Variants in NIBAN3 observed in about 807,000 individuals in gnomAD.
NIBAN3 encodes niban apoptosis regulator 3, also known as protein Niban 3.
NIBAN3 carries 66 observed loss-of-function variants against 76.4 expected under a neutral mutation model. The ratio of observed to expected loss-of-function variants is 0.86; its 90% CI spans 0.71 to 1.06. The LOEUF is 1.06. NIBAN3 is among the 50% of genes least tolerant of loss of function. The pLI is 0.00. For synonymous variants in NIBAN3, 360 were observed against 355.2 expected (o/e 1.01, Z -0.15); for missense variants, 808 against 810.7 (o/e 1.00, Z 0.04).
In NIBAN3 at chr19:17,539,030, T is replaced by C. The variant is rs141818703; in HGVS notation, c.596-120T>C. Reference sequence around the variant, plus strand: ...TGTGGAGGGCATTGCCTATGCAAAGTTCCAGAGATGGGTGAGACTTGGGTG... The same window carrying C: ...TGTGGAGGGCATTGCCTATGCAAAGCTCCAGAGATGGGTGAGACTTGGGTG... On this transcript the variant is annotated intron_variant, in intron 5 of 14. Transcript: ENST00000599164. The C allele has an allele frequency of 3.3e-4, 264 of 793,772 alleles. 2 individuals carry two copies. The East Asian group carries it at 7.0e-3, about 21-fold the overall frequency. 49.2% of individuals were successfully genotyped at this position (793,772 alleles called of 1,614,324 possible). A position where few individuals can be genotyped will look rare whatever the true frequency, so the allele number is the denominator to read the frequency against.
chr19:17,539,352 G>T lies in NIBAN3; in HGVS notation c.717G>T (p.Leu239=). The change falls in exon 7 of 15, where the codon CTG becomes CTT. Residue 239 remains leucine, a synonymous_variant. Coordinates refer to ENST00000599164, the MANE Select transcript of NIBAN3 (RefSeq NM_001321827.2). ...DVTLGSDAEV[L]TAVLMREQLP... ...CATGGCCCCCTCTCCTGCAGGTGCTGACCGCGGTGCTGATGCGGGAGCAAC... is the reference window on the plus strand; with the variant it reads ...CATGGCCCCCTCTCCTGCAGGTGCTTACCGCGGTGCTGATGCGGGAGCAAC... 6.5e-7 allele frequency: 1 copy of T among 1,546,958 alleles called. No homozygotes were observed. Among genetic ancestry groups the T allele is most frequent in the South Asian group, 1.2e-5 (1 of 84,228 alleles).
At chr19:17,528,436 T>C (rs2075649414) in intron 1 of NIBAN3, among the ~76,000 whole-genome samples, 1 of 152,130 alleles carries the variant, frequency 6.6e-6, no homozygotes, top group Middle Eastern at 3.2e-3. Flanking sequence ...TGACCTGATT[T>C]AGGGCAGGGG....
At chr19:17,543,842 A>C (rs2076001139) in intron 12 of NIBAN3, 4 of 382,296 alleles carry the variant, frequency 1.0e-5, no homozygotes, top group Non-Finnish European at 1.9e-5. Context: ...AATACAAAAA[A>C]TTAGCCAGGC....
chr19:17,550,560 G>A (rs1267097598), intron 14 of NIBAN3, among the ~76,000 whole-genome samples: 6 of 152,100 alleles, frequency 3.9e-5, no homozygotes, highest in Non-Finnish European at 7.3e-5. Flanking sequence ...CCAGCTACCC[G>A]GGAGGCCCAG....
upstream of NIBAN3, among the ~76,000 whole-genome samples, chr19:17,524,981 G>A (rs1437716517): frequency 2.0e-5 from 3 of 152,216 alleles, no homozygotes; most frequent in South Asian, 2.1e-4. Context: ...ACAGCCATGG[G>A]CTCCGTTATG....
At chr19:17,526,599 G>A (rs2075611262), upstream of NIBAN3, among the ~76,000 whole-genome samples, 1 of 151,802 alleles carries the variant, frequency 6.6e-6, no homozygotes. Context: ...AGTGAGCCAT[G>A]ATCGTGCCAC....
chr19:17,540,986 T>C lies in NIBAN3; in HGVS notation c.1170+404T>C, dbSNP rs79150888. Among the ~76,000 whole-genome samples the C allele has an allele frequency of 5.5e-3, 843 of 152,302 alleles. 6 individuals carry two copies. The highest frequency in any genetic ancestry group is 0.019 in the African/African-American group (809 of 41,562). The stretch of plus-strand genomic sequence containing the variant: ...CCTGGGCTCAAGCGATCTGCCTGCA[T>C]TGGCCTCCCAAAGTGCTGGGATTAC... On this transcript the variant is annotated intron_variant, in intron 9 of 14. Transcript: ENST00000599164.
At chr19:17,546,907 G>T in intron 13 of NIBAN3, 110 bp downstream of exon 13, 1 of 1,398,574 alleles carries the variant, frequency 7.2e-7, no homozygotes, top group Non-Finnish European at 9.6e-7. Flanking sequence ...CTTGCCATTT[G>T]ACCTTAAGTC....
In NIBAN3 at chr19:17,537,368, G is replaced by A; in HGVS notation, c.428-8G>A. On this transcript the variant is annotated splice_region_variant and splice_polypyrimidine_tract_variant and intron_variant, in intron 4 of 14. Transcript: ENST00000599164. ...GTCTAGAAGATGCGACCTCCTGTTT[G>A]TTTTCAGGAGACCATACTCAGGAAG... The A allele has an allele frequency of 6.2e-7, 1 of 1,612,022 alleles. No homozygotes were observed. The highest frequency in any genetic ancestry group is 8.5e-7 in the Non-Finnish European group (1 of 1,178,838).
downstream of NIBAN3, among the ~76,000 whole-genome samples, chr19:17,554,619 T>C (rs1367310734): frequency 6.7e-6 from 1 of 149,364 alleles, no homozygotes; most frequent in Non-Finnish European, 1.5e-5. Flanking sequence ...CCATCTCTAC[T>C]ATAAACAAAA....
At chr19:17,540,755 CA>C (rs1279148370) in intron 9 of NIBAN3, among the ~76,000 whole-genome samples, 173 bp downstream of exon 9, 2 of 152,178 alleles carry the variant, frequency 1.3e-5, no homozygotes, top group Non-Finnish European at 1.5e-5. Flanking sequence ...GTTTTTGAGA[CA>C]GGGGTGTCGC....
rs200813863 is a variant in NIBAN3 at position 17,552,949 on chromosome 19, TA to T, written c.*1054del. 1 of 104,538 alleles carries T rather than the reference TA, an allele frequency of 9.6e-6. No individual in the cohort carries two copies. Among genetic ancestry groups the T allele is most frequent in the African/African-American group, 3.5e-5 (1 of 28,362 alleles). 6.5% of individuals were successfully genotyped at this position (104,538 alleles called of 1,614,324 possible). On this transcript the variant is annotated 3_prime_UTR_variant, in exon 15 of 15. Coordinates refer to ENST00000599164, the MANE Select transcript of NIBAN3 (RefSeq NM_001321827.2). The stretch of plus-strand genomic sequence containing the variant: ...ATAAATAAATAAATAAATAAATAAA[TA>T]AATAAAATTTAAAAGAAGCTGGGCT...
chr19:17,535,845 C>T (rs1029042794), intron 4 of NIBAN3, among the ~76,000 whole-genome samples: 2 of 151,698 alleles, frequency 1.3e-5, no homozygotes, highest in Non-Finnish European at 2.9e-5. Flanking sequence ...TTGAGGCCAC[C>T]GTGAGCTATG....
chr19:17,546,110 T>G (rs1023002528), intron 12 of NIBAN3: 2 of 227,638 alleles, frequency 8.8e-6, no homozygotes, highest in South Asian at 1.1e-4. Flanking sequence ...CTTCTGGTCA[T>G]ACCTCACTAT....
At chr19:17,538,365 G>A (rs372982025) in intron 5 of NIBAN3, among the ~76,000 whole-genome samples, 8 of 149,678 alleles carry the variant, frequency 5.3e-5, no homozygotes, top group East Asian at 2.0e-4. Context: ...GCAGTAAGCC[G>A]AGATGGTGCC....
chr19:17,548,938 T>TG (rs1402418183), intron 13 of NIBAN3, among the ~76,000 whole-genome samples: 2 of 134,730 alleles, frequency 1.5e-5, no homozygotes, highest in African/African-American at 3.2e-5. Context: ...AAAAAAGTTG[T>TG]TTTTTTTTTT....
At chr19:17,554,202 C>T (rs2076195369), downstream of NIBAN3, among the ~76,000 whole-genome samples, 2 of 151,408 alleles carry the variant, frequency 1.3e-5, no homozygotes, top group Non-Finnish European at 2.9e-5. Flanking sequence ...TAAGTTTTAG[C>T]GGGGCATGAT....
At chr19:17,535,248 G>A (rs2075804977) in intron 4 of NIBAN3, among the ~76,000 whole-genome samples, 1 of 152,160 alleles carries the variant, frequency 6.6e-6, no homozygotes, top group Non-Finnish European at 1.5e-5. Context: ...AGACCAGCCT[G>A]GGTAACATAG....
chr19:17,525,091 T>G (rs2075591659), upstream of NIBAN3, among the ~76,000 whole-genome samples: 3 of 152,176 alleles, frequency 2.0e-5, no homozygotes, highest in South Asian at 6.2e-4. Flanking sequence ...AGGGGCTCCC[T>G]GGGGATCTTG....
Sources: gnomAD v4.1 joint callset for allele counts (sites outside exome capture counted in the v4.1 genomes callset) on GRCh38, gnomAD v4.1.1 for gene constraint, MANE v1.5 for transcripts, NCBI Gene and HGNC (gene_info 2026-07-23, HGNC 2026-07-21) for gene names.